Variants in TSPAN15 observed in about 807,000 individuals in gnomAD.
The protein encoded by TSPAN15 is tetraspanin 15.
Under a neutral mutation model 34.5 loss-of-function variants are expected in TSPAN15, and 20 were observed. The observed-to-expected ratio is 0.58, with a 90% CI of 0.41 to 0.84. TSPAN15 has a LOEUF of 0.84. Ranked by LOEUF, TSPAN15 falls within the 40% of genes least tolerant of loss-of-function variation. The probability of loss-of-function intolerance (pLI) is 0.00; values close to 1 mark genes in which losing one functional copy is unlikely to be tolerated. For missense variants in TSPAN15, 313 were observed against 386.1 expected (o/e 0.81, Z 1.59); for synonymous variants, 155 against 153.9 (o/e 1.01, Z -0.05).
At position 69,483,790 on chromosome 10, in the gene TSPAN15, C is replaced by T. The variant is rs1407643869; in HGVS notation, c.196C>T (p.Leu66Phe). ...TGCCTTCCTGGCTCCAGCCATCATC[C>T]TCATCCTCCTGGGCGTCGTCATGTT... is the stretch of plus-strand genomic sequence containing the variant. ...ESAFLAPAII[L>F]ILLGVVMFMV... is the part of the protein sequence containing the mutation. The change falls in exon 2 of 8, where the codon CTC becomes TTC. Residue 66 changes from leucine (L) to phenylalanine (F), a missense_variant. Transcript: ENST00000373290. The T allele has an allele frequency of 1.2e-6, 2 of 1,614,212 alleles. No individual in the cohort carries two copies. The highest frequency in any genetic ancestry group is 2.2e-5 in the East Asian group (1 of 44,878).
intron 1 of TSPAN15, among the ~76,000 whole-genome samples, chr10:69,466,012 G>A (rs1841376916): frequency 6.6e-6 from 1 of 152,226 alleles, no homozygotes. Flanking sequence ...AGGGAGGTGG[G>A]CCGGTTGCCA....
chr10:69,490,306 C>T (rs1275994728), intron 3 of TSPAN15, among the ~76,000 whole-genome samples: 1 of 152,136 alleles, frequency 6.6e-6, no homozygotes, highest in Non-Finnish European at 1.5e-5. Flanking sequence ...AGAACATGCC[C>T]CTGACCAAAG....
rs1840968367 is a variant in TSPAN15, at chr10:69,451,589, C to T, written c.-6C>T. The T allele has an allele frequency of 6.7e-7, 1 of 1,483,366 alleles. No individual in the cohort carries two copies. The highest frequency in any genetic ancestry group is 2.7e-5 in the East Asian group (1 of 36,790). The allele number at this position is 1,483,366 out of a possible 1,614,324, so 91.9% of individuals were successfully genotyped here. ...GCCCCCGTAACCCGCGCGGGGAGCG[C>T]CCAGGATGCCGCGCGGGGACTCGGA... is the stretch of plus-strand genomic sequence containing the variant. On this transcript the variant is annotated 5_prime_UTR_variant, in exon 1 of 8. Coordinates refer to ENST00000373290, the MANE Select transcript of TSPAN15 (RefSeq NM_012339.5).
intron 3 of TSPAN15, among the ~76,000 whole-genome samples, chr10:69,486,600 A>C (rs1409414346): frequency 6.6e-6 from 1 of 152,156 alleles, no homozygotes; most frequent in Non-Finnish European, 1.5e-5. Flanking sequence ...CCCTGTGCCC[A>C]GCCAAATTAT....
Position 69,451,642 on chromosome 10 carries a change from C to CG in TSPAN15, c.48_49insG (p.Tyr17ValfsTer32). Reference sequence around the variant, plus strand: ...AGGTGCGCTACTGCGCGCGCTTCTCCTACCTCTGGCTCAAGTTTTCACTTA... The same window carrying CG: ...AGGTGCGCTACTGCGCGCGCTTCTCCGTACCTCTGGCTCAAGTTTTCACTTA... On this transcript the variant is annotated frameshift_variant, in exon 1 of 8. Transcript: ENST00000373290. LOFTEE classifies it high-confidence loss of function. 1 of 1,546,660 alleles carries CG rather than the reference C, an allele frequency of 6.5e-7. No homozygotes were observed. The highest frequency in any genetic ancestry group is 8.7e-7 in the Non-Finnish European group (1 of 1,145,032).
chr10:69,515,230 C>A, the TSPAN15 span, among the ~76,000 whole-genome samples: 6 of 152,218 alleles, frequency 3.9e-5, no homozygotes, highest in Non-Finnish European at 5.9e-5. Flanking sequence ...TTCCCAACCT[C>A]TTAGCATTTG....
intron 1 of TSPAN15, among the ~76,000 whole-genome samples, chr10:69,483,236 C>T (rs1841776508): frequency 6.6e-6 from 1 of 152,172 alleles, no homozygotes; most frequent in Non-Finnish European, 1.5e-5. Flanking sequence ...GATCTGCCCG[C>T]CTCGGCCTCC....
the TSPAN15 span, among the ~76,000 whole-genome samples, chr10:69,516,977 A>G: frequency 6.6e-6 from 1 of 152,106 alleles, no homozygotes; most frequent in Non-Finnish European, 1.5e-5. Context: ...ACTGGATCCC[A>G]TGTGTGAGCC....
rs186260626 is a variant in TSPAN15, at chr10:69,502,886, T to C, written c.571-1552T>C. 3.3e-3 allele frequency among the ~76,000 whole-genome samples: 506 copies of C among 152,344 alleles called. 3 individuals are homozygous for C. The highest frequency in any genetic ancestry group is 5.1e-3 in the Non-Finnish European group (348 of 68,020). On this transcript the variant is annotated intron_variant, in intron 5 of 7. Transcript: ENST00000373290. ...CGTACCATGCAGCTTACCTATTTGT[T>C]ATGTTCATTATCTCCCTTTCTACAG...
chr10:69,507,216 TG>T lies in TSPAN15; in HGVS notation c.*242del. On this transcript the variant is annotated 3_prime_UTR_variant, in exon 8 of 8. Coordinates refer to ENST00000373290, the MANE Select transcript of TSPAN15 (RefSeq NM_012339.5). Reference sequence around the variant, plus strand: ...CTGGAATCTGTGCCCACCTGGGGCCTGGGGAACAAGGCCCTCCTTTCTCCAG... The same window carrying T: ...CTGGAATCTGTGCCCACCTGGGGCCTGGGAACAAGGCCCTCCTTTCTCCAG... 1 of 1,402,612 alleles carries T rather than the reference TG, an allele frequency of 7.1e-7. No homozygotes were observed. 86.9% of individuals were successfully genotyped at this position (1,402,612 alleles called of 1,614,324 possible).
At chr10:69,478,497 C>T (rs904270432) in intron 1 of TSPAN15, among the ~76,000 whole-genome samples, 2 of 152,104 alleles carry the variant, frequency 1.3e-5, no homozygotes, top group African/African-American at 4.8e-5. Flanking sequence ...GGGGCTCATC[C>T]TGATGTTCTG....
At chr10:69,539,459 AGAAGGAGAAGGAGAAGGAGAAGG>A in the TSPAN15 span, among the ~76,000 whole-genome samples, 206 of 43,894 alleles carry the variant, frequency 4.7e-3, 6 homozygotes, top group East Asian at 0.017. Context: ...AAGAAGAAGA[AGAAGGAGAAGGAGAAGGAGAAGG>A]AGAAGAAGAA....
chr10:69,540,545 C>T, the TSPAN15 span, among the ~76,000 whole-genome samples: 5 of 152,206 alleles, frequency 3.3e-5, no homozygotes, highest in South Asian at 4.1e-4. Context: ...AGGTCCCCAG[C>T]GACAAAATGT....
the TSPAN15 span, chr10:69,523,386 AC>A: frequency 1.7e-6 from 1 of 580,424 alleles, no homozygotes; most frequent in Non-Finnish European, 3.2e-6. Flanking sequence ...TGGGGTCTCC[AC>A]CCCAAGCCTG....
chr10:69,453,908 C>G (rs1295992113), intron 1 of TSPAN15, among the ~76,000 whole-genome samples: 1 of 152,234 alleles, frequency 6.6e-6, no homozygotes, highest in African/African-American at 2.4e-5. Flanking sequence ...TTAAAAGTCT[C>G]TACACCCATG....
At chr10:69,485,386 G>A (rs1827932477) in intron 3 of TSPAN15, among the ~76,000 whole-genome samples, 171 bp downstream of exon 3, 1 of 152,220 alleles carries the variant, frequency 6.6e-6, no homozygotes, top group South Asian at 2.1e-4. Context: ...CTAAGAAAAT[G>A]AACCAAGCTG....
the TSPAN15 span, among the ~76,000 whole-genome samples, chr10:69,530,810 CTCTCTCTCTCTATA>C: frequency 1.2e-3 from 83 of 68,554 alleles, no homozygotes; most frequent in Non-Finnish European, 1.7e-3. Context: ...CTCTCTCTCT[CTCTCTCTCTCTATA>C]TATATATATA....
chr10:69,492,545 C>T (rs1392779575), intron 3 of TSPAN15, among the ~76,000 whole-genome samples: 1 of 152,212 alleles, frequency 6.6e-6, no homozygotes, highest in Non-Finnish European at 1.5e-5. Context: ...TCCTGCAGGG[C>T]CCCCCTTCCC....
the TSPAN15 span, among the ~76,000 whole-genome samples, chr10:69,529,340 G>A: frequency 1.4e-5 from 2 of 147,942 alleles, no homozygotes; most frequent in Non-Finnish European, 3.0e-5. Flanking sequence ...CAGCAAGTGT[G>A]ATAGCAGCTG....
Sources: gnomAD v4.1 joint callset for allele counts (sites outside exome capture counted in the v4.1 genomes callset) on GRCh38, gnomAD v4.1.1 for gene constraint, MANE v1.5 for transcripts, NCBI Gene and HGNC (gene_info 2026-07-23, HGNC 2026-07-21) for gene names.